Variants in ESYT3 observed in about 807,000 individuals in gnomAD.
ESYT3 encodes the protein extended synaptotagmin 3, also known as extended synaptotagmin-3.
Under a neutral mutation model 111.5 loss-of-function variants are expected in ESYT3, and 101 were observed. The observed-to-expected ratio is 0.91, with a 90% confidence interval of 0.77 to 1.07. The LOEUF (loss-of-function observed/expected upper bound fraction) is 1.07. Among genes scored for constraint, ESYT3 ranks in the 50% least tolerant of loss-of-function variants. The pLI, the probability that ESYT3 is intolerant of heterozygous loss-of-function variation, is 0.00. For missense variants in ESYT3, 1,097 were observed against 1,109.4 expected (o/e 0.99, Z 0.16); for synonymous variants, 416 against 446.8 (o/e 0.93, Z 0.87).
chr3:138,471,105 G>T, intron 17 of ESYT3, 79 bp downstream of exon 17: 1 of 1,202,872 alleles, frequency 8.3e-7, no homozygotes, highest in Non-Finnish European at 1.2e-6. Flanking sequence ...CCAGCACTAA[G>T]CACCTGCTGT....
rs764271417 is a variant in ESYT3, at chr3:138,435,176, C to T, written c.327+51C>T. On this transcript the variant is annotated intron_variant, in intron 1 of 22. Transcript: ENST00000389567. The surrounding 1 kb of genome is among the most constrained non-coding windows in gnomAD (Gnocchi z 4.8). ...AGGTGGGGAGATGCCTTTCGAGGTTCGGAGGAACTTGCGGTCAGCGGGGAG... is the reference window on the plus strand; with the variant it reads ...AGGTGGGGAGATGCCTTTCGAGGTTTGGAGGAACTTGCGGTCAGCGGGGAG... 58 of 1,471,504 alleles carry T rather than the reference C, an allele frequency of 3.9e-5. No homozygotes were observed. The East Asian group carries it at 1.3e-3, about 34-fold the overall frequency. 91.2% of individuals were successfully genotyped at this position (1,471,504 alleles called of 1,614,324 possible).
At chr3:138,474,116 T>C in intron 19 of ESYT3, 105 bp from the exon 20 acceptor site, 2 of 1,439,982 alleles carry the variant, frequency 1.4e-6, no homozygotes, top group Non-Finnish European at 1.9e-6. Context: ...TTCTCTCAAA[T>C]GTTTGAAGTG....
Position 138,476,348 on chromosome 3 carries a change from G to C in ESYT3, c.2574+20G>C. The C allele has an allele frequency of 6.2e-7, 1 of 1,603,044 alleles. No homozygotes were observed. The highest frequency in any genetic ancestry group is 8.5e-7 in the Non-Finnish European group (1 of 1,170,078). ...GGAAAAGTAAGTACAAGAGATATTTGATATACCAAGGAGATTATGATCAAT... is the reference window on the plus strand; with the variant it reads ...GGAAAAGTAAGTACAAGAGATATTTCATATACCAAGGAGATTATGATCAAT... On this transcript the variant is annotated intron_variant, in intron 21 of 22. Coordinates refer to ENST00000389567, the MANE Select transcript of ESYT3 (RefSeq NM_031913.5).
chr3:138,452,743 C>T (rs957935303), intron 2 of ESYT3, among the ~76,000 whole-genome samples: 2 of 152,134 alleles, frequency 1.3e-5, no homozygotes, highest in East Asian at 1.9e-4. Context: ...GAGGGCTCCA[C>T]GGCAGTCCCC....
chr3:138,467,740 G>A, intron 11 of ESYT3, 131 bp downstream of exon 11: 1 of 836,688 alleles, frequency 1.2e-6, no homozygotes. Flanking sequence ...CATCCTCAGG[G>A]CAAGAGCTGG....
chr3:138,471,673 A>C (rs1426152900), intron 17 of ESYT3, among the ~76,000 whole-genome samples: 1 of 152,212 alleles, frequency 6.6e-6, no homozygotes, highest in Non-Finnish European at 1.5e-5. Context: ...ACATATGTTC[A>C]GTGTTCCTTT....
chr3:138,451,993 T>C (rs1185572229), intron 1 of ESYT3, 55 bp from the exon 2 acceptor site: 8 of 1,600,478 alleles, frequency 5.0e-6, no homozygotes, highest in African/African-American at 2.7e-5. Context: ...GCTTGCTTGG[T>C]TCCCAGCGGG....
chr3:138,469,920 G>C, intron 15 of ESYT3, 140 bp from the exon 16 acceptor site: 1 of 610,954 alleles, frequency 1.6e-6, no homozygotes, highest in East Asian at 3.1e-5. Context: ...CCCACTAGCT[G>C]TAGCGTGTTT....
At chr3:138,467,345 T>TC (rs2032979458) in intron 10 of ESYT3, among the ~76,000 whole-genome samples, 2 of 152,110 alleles carry the variant, frequency 1.3e-5, no homozygotes, top group South Asian at 4.1e-4. Flanking sequence ...GCCCCCTTCC[T>TC]CCCCAAGTAG....
chr3:138,474,151 T>A, intron 19 of ESYT3, 70 bp from the exon 20 acceptor site: 4 of 1,569,598 alleles, frequency 2.5e-6, no homozygotes, highest in Non-Finnish European at 3.4e-6. Flanking sequence ...ACACTGAAAC[T>A]CTCAAATGTT....
intron 16 of ESYT3, chr3:138,470,366 C>T (rs750701051): frequency 8.8e-6 from 11 of 1,251,714 alleles, no homozygotes; most frequent in Non-Finnish European, 1.0e-5. Context: ...TCCTCAAGTC[C>T]CTTGACTTTC....
chr3:138,440,015 C>T lies in ESYT3; in HGVS notation c.327+4890C>T, dbSNP rs2031021492. Among the ~76,000 whole-genome samples, 1 of 152,154 alleles carries T rather than the reference C, an allele frequency of 6.6e-6. No individual in the cohort carries two copies. The highest frequency in any genetic ancestry group is 1.5e-5 in the Non-Finnish European group (1 of 68,028). On this transcript the variant is annotated intron_variant, in intron 1 of 22. Coordinates refer to ENST00000389567, the MANE Select transcript of ESYT3 (RefSeq NM_031913.5). This position sits in a 1 kb window ranked among gnomAD's most constrained non-coding sequence, Gnocchi z 4.2. ...TGGGAAGCCCCTTGTCCTCTCTGGGCCTCTGATTTCTCTGAAAATCATGAC... is the reference window on the plus strand; with the variant it reads ...TGGGAAGCCCCTTGTCCTCTCTGGGTCTCTGATTTCTCTGAAAATCATGAC...
In ESYT3 at chr3:138,434,922, G is replaced by A; in HGVS notation, c.124G>A (p.Val42Met). Residue 42 changes from valine (V) to methionine (M), a missense_variant, in exon 1 of 23, where the codon GTG becomes ATG. By Grantham distance (21) the Val-to-Met change is conservative. Transcript: ENST00000389567. ...LPELCTFVVR[V>M]LFYLGPVYLA... ...CGAGCTCTGTACCTTCGTGGTGCGCGTGCTGTTCTACCTGGGGCCTGTCTA... is the reference window on the plus strand; with the variant it reads ...CGAGCTCTGTACCTTCGTGGTGCGCATGCTGTTCTACCTGGGGCCTGTCTA... 6.4e-7 allele frequency: 1 copy of A among 1,551,948 alleles called. No homozygotes were observed. The highest frequency in any genetic ancestry group is 8.7e-7 in the Non-Finnish European group (1 of 1,147,182).
chr3:138,472,947 C>T, intron 18 of ESYT3, 88 bp downstream of exon 18: 2 of 1,522,296 alleles, frequency 1.3e-6, no homozygotes, highest in Non-Finnish European at 1.8e-6. Context: ...ACTTACATTT[C>T]TGTGCAAGTT....
intron 18 of ESYT3, 95 bp downstream of exon 18, chr3:138,472,954 AGTT>A: frequency 6.6e-7 from 1 of 1,518,884 alleles, no homozygotes; most frequent in African/African-American, 1.4e-5. Flanking sequence ...TTTCTGTGCA[AGTT>A]GTTTTTTCAC....
intron 4 of ESYT3, 120 bp downstream of exon 4, chr3:138,457,764 CCCTCCCCT>C: frequency 1.1e-6 from 1 of 911,884 alleles, no homozygotes. Context: ...CCTCACAGGA[CCCTCCCCT>C]CCTCCCAGCT....
At chr3:138,446,544 A>G (rs956332895) in intron 1 of ESYT3, among the ~76,000 whole-genome samples, 5 of 152,244 alleles carry the variant, frequency 3.3e-5, no homozygotes, top group African/African-American at 1.2e-4. Context: ...CATATTAGAC[A>G]AAATAGAATA....
chr3:138,460,942 A>C (rs1477011917), intron 7 of ESYT3, among the ~76,000 whole-genome samples: 1 of 152,148 alleles, frequency 6.6e-6, no homozygotes, highest in Admixed American at 6.5e-5. Context: ...TGTTGGGCTG[A>C]CGTTCAGGTC....
intron 4 of ESYT3, 135 bp downstream of exon 4, chr3:138,457,779 A>G: frequency 2.5e-6 from 2 of 812,274 alleles, no homozygotes; most frequent in East Asian, 5.4e-5. Context: ...CCCTCCTCCC[A>G]GCTTCTCCCA....
Sources: gnomAD v4.1 joint callset for allele counts (sites outside exome capture counted in the v4.1 genomes callset) on GRCh38, gnomAD v4.1.1 for gene constraint, Gnocchi (gnomAD v3.1) non-coding constraint, MANE v1.5 for transcripts, NCBI Gene and HGNC (gene_info 2026-07-23, HGNC 2026-07-21) for gene names.